The following SLC71A1 variants were observed in gnomAD, a reference collection of about 807,000 sequenced individuals.
SLC71A1 encodes the protein hippocampus abundant gene transcript 1.
chr1:100,083,220 A>G, the SLC71A1 span: 5 of 152,572 alleles, frequency 3.3e-5, no homozygotes, highest in African/African-American at 1.2e-4. Context: ...AATTGTATAT[A>G]AAGAACTGTA....
At chr1:100,067,149 A>T in the SLC71A1 span, among the ~76,000 whole-genome samples, 8 of 152,156 alleles carry the variant, frequency 5.3e-5, no homozygotes, top group African/African-American at 1.7e-4. Context: ...TCTTAAAAAA[A>T]TCTCTTTTAC....
the SLC71A1 span, among the ~76,000 whole-genome samples, chr1:100,042,419 C>G: frequency 6.6e-6 from 1 of 151,944 alleles, no homozygotes; most frequent in Non-Finnish European, 1.5e-5. Flanking sequence ...AAATAGGAGT[C>G]AGCAACCGTT....
chr1:100,041,147 A>G, the SLC71A1 span, among the ~76,000 whole-genome samples: 1 of 152,264 alleles, frequency 6.6e-6, no homozygotes, highest in Non-Finnish European at 1.5e-5. Context: ...AAATTAGAGC[A>G]GATTAGAGCA....
At chr1:100,039,948 C>G in the SLC71A1 span, among the ~76,000 whole-genome samples, 1 of 152,166 alleles carries the variant, frequency 6.6e-6, no homozygotes, top group African/African-American at 2.4e-5. Flanking sequence ...TTTAAACTTT[C>G]TTGTCCTATT....
At chr1:100,062,315 C>T in the SLC71A1 span, among the ~76,000 whole-genome samples, 1 of 152,190 alleles carries the variant, frequency 6.6e-6, no homozygotes, top group Admixed American at 6.5e-5. Flanking sequence ...TAACATCTAG[C>T]TCAGGGATCA....
At chr1:100,058,868 G>T in the SLC71A1 span, 4 of 475,296 alleles carry the variant, frequency 8.4e-6, no homozygotes, top group East Asian at 1.0e-4. Context: ...TTTATAATTA[G>T]ATGGAGTATA....
the SLC71A1 span, among the ~76,000 whole-genome samples, chr1:100,071,329 G>A: frequency 4.8e-5 from 7 of 144,766 alleles, no homozygotes; most frequent in Non-Finnish European, 9.1e-5. Context: ...AAGAAAGCCC[G>A]GTGTGGTGGT....
At chr1:100,073,217 A>G in the SLC71A1 span, among the ~76,000 whole-genome samples, 2 of 152,190 alleles carry the variant, frequency 1.3e-5, no homozygotes, top group Non-Finnish European at 2.9e-5. Flanking sequence ...TAGGAACCCA[A>G]TCTGAGCCGT....
chr1:100,077,396 C>CA, the SLC71A1 span: 1 of 612,836 alleles, frequency 1.6e-6, no homozygotes, highest in Non-Finnish European at 2.9e-6. Context: ...TTTTATCTTT[C>CA]AAAATGTGTC....
At chr1:100,079,858 A>G in the SLC71A1 span, 1 of 151,994 alleles carries the variant, frequency 6.6e-6, no homozygotes, top group Non-Finnish European at 1.5e-5. Flanking sequence ...CTGGGCAACA[A>G]GAGTGAAACT....
chr1:100,044,724 G>A, the SLC71A1 span, among the ~76,000 whole-genome samples: 1 of 151,914 alleles, frequency 6.6e-6, no homozygotes, highest in Non-Finnish European at 1.5e-5. Context: ...CTCTATGTTG[G>A]CCAGGCTGGA....
the SLC71A1 span, among the ~76,000 whole-genome samples, chr1:100,040,411 C>T: frequency 6.6e-6 from 1 of 152,140 alleles, no homozygotes; most frequent in Non-Finnish European, 1.5e-5. Context: ...ATGGTAGTTG[C>T]TTATCTACCT....
chr1:100,068,444 T>A, the SLC71A1 span: 3 of 1,433,268 alleles, frequency 2.1e-6, no homozygotes, highest in Non-Finnish European at 2.9e-6. Context: ...TAGAAAACCT[T>A]ATATCAATCA....
At chr1:100,076,312 ACTAG>A in the SLC71A1 span, among the ~76,000 whole-genome samples, 2 of 152,234 alleles carry the variant, frequency 1.3e-5, no homozygotes, top group South Asian at 2.1e-4. Flanking sequence ...CTATGGACTT[ACTAG>A]CTATCTTATG....
At chr1:100,078,626 A>ATGTTTC in the SLC71A1 span, 1 of 995,936 alleles carries the variant, frequency 1.0e-6, no homozygotes, top group Non-Finnish European at 1.6e-6. Context: ...CTATGTACTG[A>ATGTTTC]AACATAAGTA....
the SLC71A1 span, among the ~76,000 whole-genome samples, chr1:100,062,463 C>T: frequency 4.6e-5 from 7 of 152,124 alleles, no homozygotes; most frequent in African/African-American, 1.7e-4. Context: ...AGGTCGCCAA[C>T]TCCTGGACAC....
the SLC71A1 span, among the ~76,000 whole-genome samples, chr1:100,048,101 TG>T: frequency 6.6e-6 from 1 of 152,180 alleles, no homozygotes; most frequent in African/African-American, 2.4e-5. Context: ...CCTGAGAAGT[TG>T]TACCAAGCTT....
the SLC71A1 span, among the ~76,000 whole-genome samples, chr1:100,073,509 C>G: frequency 6.6e-6 from 1 of 152,172 alleles, no homozygotes; most frequent in Admixed American, 6.5e-5. Flanking sequence ...AGGTCTCTCC[C>G]CTTAGTGAGC....
the SLC71A1 span, chr1:100,083,279 TA>T: frequency 6.6e-6 from 1 of 152,568 alleles, no homozygotes; most frequent in Non-Finnish European, 1.5e-5. Context: ...TAATGCTTTT[TA>T]AACTTGGAAC....
Sources: allele counts gnomAD v4.1 joint callset (sites outside exome capture counted in the v4.1 genomes callset), GRCh38; gene constraint gnomAD v4.1.1; transcripts MANE v1.5; gene names NCBI Gene and HGNC (gene_info 2026-07-23, HGNC 2026-07-21).